Variants in RAB11FIP1 observed in about 807,000 individuals in gnomAD.
The protein encoded by RAB11FIP1 is RAB11 family interacting protein 1, also known as rab11 family-interacting protein 1.
RAB11FIP1 carries 49 observed loss-of-function variants against 83.1 expected under a neutral mutation model. The observed-to-expected ratio is 0.59, with a 90% confidence interval of 0.47 to 0.75. The LOEUF (loss-of-function observed/expected upper bound fraction) is 0.75, where lower values mean the gene tolerates loss of function less well. Ranked by LOEUF, RAB11FIP1 falls within the 30% of genes least tolerant of loss-of-function variation. The pLI, the probability that RAB11FIP1 is intolerant of heterozygous loss-of-function variation, is 0.00. For missense variants in RAB11FIP1, 1,536 were observed against 1,598.7 expected (o/e 0.96, Z 0.67); for synonymous variants, 670 against 656.0 (o/e 1.02, Z -0.33).
intron 1 of RAB11FIP1, among the ~76,000 whole-genome samples, chr8:37,896,687 C>A (rs1400643430): frequency 6.6e-6 from 1 of 152,200 alleles, no homozygotes; most frequent in Non-Finnish European, 1.5e-5. Context: ...TCTCACAAAG[C>A]AGTTGCCAAC....
chr8:37,890,738 G>A (rs1806931827), intron 1 of RAB11FIP1, among the ~76,000 whole-genome samples: 1 of 148,306 alleles, frequency 6.7e-6, no homozygotes, highest in African/African-American at 2.5e-5. Flanking sequence ...TTGAGGCATT[G>A]CACTCCAGCC....
intron 1 of RAB11FIP1, among the ~76,000 whole-genome samples, chr8:37,887,475 G>A (rs1806856543): frequency 6.7e-6 from 1 of 150,260 alleles, no homozygotes; most frequent in Non-Finnish European, 1.5e-5. Flanking sequence ...AGGTTGCAGT[G>A]AGCCAAGATC....
At chr8:37,865,848 C>T (rs4246827) in intron 5 of RAB11FIP1, among the ~76,000 whole-genome samples, 114,531 of 152,088 alleles carry the variant, frequency 0.75, 43,478 homozygotes, top group East Asian at 0.97. Context: ...TCAAAATGCA[C>T]GAACATAAAT....
chr8:37,889,155 T>C lies in RAB11FIP1; in HGVS notation c.371+9916A>G, dbSNP rs182506899. The stretch of plus-strand genomic sequence containing the variant: ...TCCTTATGGACCCCTTCAGGGTTTC[T>C]ACACAGAAAAGAAAGAGACAAGAAA... On this transcript the variant is annotated intron_variant, in intron 1 of 5. Coordinates refer to ENST00000330843, the MANE Select transcript of RAB11FIP1 (RefSeq NM_001002814.3). 3.3e-3 allele frequency among the ~76,000 whole-genome samples: 509 copies of C among 152,280 alleles called. 1 individual carries two copies. Among genetic ancestry groups the C allele is most frequent in the African/African-American group, 0.011 (470 of 41,566 alleles).
intron 4 of RAB11FIP1, 170 bp downstream of exon 4, chr8:37,871,105 CGCA>C: frequency 1.4e-6 from 1 of 720,802 alleles, no homozygotes; most frequent in Non-Finnish European, 2.2e-6. Flanking sequence ...TTGCTATAAA[CGCA>C]GCAGTGTCTT....
In RAB11FIP1 at chr8:37,873,298, C is replaced by A. The variant is rs1374658537; in HGVS notation, c.1623-119G>T. 5 of 1,170,792 alleles carry A rather than the reference C, an allele frequency of 4.3e-6. No individual in the cohort carries two copies. In the African/African-American group the frequency reaches 4.6e-5, roughly 11 times the overall value. 72.5% of individuals were successfully genotyped at this position (1,170,792 alleles called of 1,614,324 possible). A position where few individuals can be genotyped will look rare whatever the true frequency, so the allele number is the denominator to read the frequency against. On this transcript the variant is annotated intron_variant, in intron 3 of 5. Transcript: ENST00000330843. ...AACGTCTTTACACGTGGGGCAGTAC[C>A]TTAAGAAGTTAAAAAAGGAACGCTA...
rs1247557444 is a variant in RAB11FIP1 at position 37,859,469 on chromosome 8, A to G, written c.*3426T>C. On this transcript the variant is annotated 3_prime_UTR_variant, in exon 6 of 6. Transcript: ENST00000330843. ...ATCTCCTTCATACAGGCATATGCAGAGCCCTCACCAATCGGGGTCCACAGC... is the reference window on the plus strand; with the variant it reads ...ATCTCCTTCATACAGGCATATGCAGGGCCCTCACCAATCGGGGTCCACAGC... 6.6e-6 allele frequency: 1 copy of G among 152,256 alleles called. No individual in the cohort carries two copies. Among genetic ancestry groups the G allele is most frequent in the Non-Finnish European group, 1.5e-5 (1 of 68,092 alleles). 9.4% of individuals were successfully genotyped at this position (152,256 alleles called of 1,614,324 possible). A position where few individuals can be genotyped will look rare whatever the true frequency, so the allele number is the denominator to read the frequency against.
At position 37,877,094 on chromosome 8, in the gene RAB11FIP1, G is replaced by T. The variant is rs1225448198; in HGVS notation, c.814+15C>A. On this transcript the variant is annotated intron_variant, in intron 2 of 5. Coordinates refer to ENST00000330843, the MANE Select transcript of RAB11FIP1 (RefSeq NM_001002814.3). Reference sequence around the variant, plus strand: ...AGGAAGAAGAGAGGTCAAGCAGGAAGAGGCAGAAACTCACCATCCGAGGCC... The same window carrying T: ...AGGAAGAAGAGAGGTCAAGCAGGAATAGGCAGAAACTCACCATCCGAGGCC... The T allele has an allele frequency of 6.3e-7, 1 of 1,586,418 alleles. No homozygotes were observed. Among genetic ancestry groups the T allele is most frequent in the Non-Finnish European group, 8.6e-7 (1 of 1,157,824 alleles).
At chr8:37,877,743 A>C in intron 1 of RAB11FIP1, 192 bp from the exon 2 acceptor site, 1 of 479,944 alleles carries the variant, frequency 2.1e-6, no homozygotes, top group African/African-American at 2.5e-5. Flanking sequence ...TTTTTGACAC[A>C]GAGTCTTGCT....
chr8:37,892,514 G>A (rs531462669), intron 1 of RAB11FIP1, among the ~76,000 whole-genome samples: 5 of 151,776 alleles, frequency 3.3e-5, no homozygotes, highest in African/African-American at 1.2e-4. Context: ...GAGTGCAATG[G>A]CGCAGTCTCA....
In RAB11FIP1 at chr8:37,871,605, A is replaced by T; in HGVS notation, c.3197T>A (p.Leu1066Gln). Residue 1066 changes from leucine to glutamine, a missense_variant, in exon 4 of 6, where the codon CTG becomes CAG. Physicochemically the swap from Leu to Gln is moderately radical, Grantham distance 113 (BLOSUM62 -2). Coordinates refer to ENST00000330843, the MANE Select transcript of RAB11FIP1 (RefSeq NM_001002814.3). ...LGKSSSLDKQ[L>Q]PGPSGGEEEK... is the part of the protein sequence containing the mutation. ...TTCCTCACCACCACTGGGGCCTGGC[A>T]GCTGTTTATCCAAGCTTGAGCTCTT... is the stretch of plus-strand genomic sequence containing the variant. 1 of 1,603,688 alleles carries T rather than the reference A, an allele frequency of 6.2e-7. No individual in the cohort carries two copies. Among genetic ancestry groups the T allele is most frequent in the Non-Finnish European group, 8.5e-7 (1 of 1,173,148 alleles).
chr8:37,896,026 T>G (rs1807081586), intron 1 of RAB11FIP1, among the ~76,000 whole-genome samples: 1 of 152,108 alleles, frequency 6.6e-6, no homozygotes, highest in African/African-American at 2.4e-5. Flanking sequence ...AATTTCACCT[T>G]TCGCCTGGCA....
rs144125162 is a variant in RAB11FIP1 at position 37,869,399 on chromosome 8, G to A, written c.3633+1021C>T. Among the ~76,000 whole-genome samples the A allele has an allele frequency of 3.1e-4, 47 of 150,838 alleles. No individual in the cohort carries two copies. The East Asian group carries it at 8.0e-3, about 26-fold the overall frequency. Reference sequence around the variant, plus strand: ...CTGAGGTCAGGAGTTCGAGATGAGCGTGGCCAACATAGCAAAATCCTGTCT... The same window carrying A: ...CTGAGGTCAGGAGTTCGAGATGAGCATGGCCAACATAGCAAAATCCTGTCT... On this transcript the variant is annotated intron_variant, in intron 5 of 5. Coordinates refer to ENST00000330843, the MANE Select transcript of RAB11FIP1 (RefSeq NM_001002814.3).
intron 1 of RAB11FIP1, among the ~76,000 whole-genome samples, chr8:37,886,027 A>T (rs1221810904): frequency 6.6e-6 from 1 of 152,228 alleles, no homozygotes; most frequent in Non-Finnish European, 1.5e-5. Context: ...CTCAAAAATA[A>T]TCTTTCTGCA....
At chr8:37,892,255 G>A (rs922837873) in intron 1 of RAB11FIP1, among the ~76,000 whole-genome samples, 1 of 151,778 alleles carries the variant, frequency 6.6e-6, no homozygotes, top group Non-Finnish European at 1.5e-5. Flanking sequence ...AGGTGGCTTG[G>A]ACATCATTCT....
intron 2 of RAB11FIP1, among the ~76,000 whole-genome samples, chr8:37,876,415 GA>G (rs1806611428): frequency 6.6e-6 from 1 of 151,730 alleles, no homozygotes; most frequent in African/African-American, 2.4e-5. Flanking sequence ...GCAACATAGT[GA>G]GACCTCATCT....
chr8:37,868,781 T>C (rs1806392538), intron 5 of RAB11FIP1, among the ~76,000 whole-genome samples: 1 of 152,166 alleles, frequency 6.6e-6, no homozygotes, highest in Non-Finnish European at 1.5e-5. Flanking sequence ...GGTTTTGTTT[T>C]GTGGGGAGTT....
Position 37,861,275 on chromosome 8 carries a change from C to A in RAB11FIP1, c.*1620G>T. ...CTTCTTGCTCTGCACAGTTTTATAA[C>A]AAGGGGGTAAAATGCTGGTGAGTCT... On this transcript the variant is annotated 3_prime_UTR_variant, in exon 6 of 6. Coordinates refer to ENST00000330843, the MANE Select transcript of RAB11FIP1 (RefSeq NM_001002814.3). 1 of 172,696 alleles carries A rather than the reference C, an allele frequency of 5.8e-6. No homozygotes were observed. Among genetic ancestry groups the A allele is most frequent in the Admixed American group, 5.8e-5 (1 of 17,264 alleles). The allele number at this position is 172,696 out of a possible 1,614,324, so 10.7% of individuals were successfully genotyped here.
At position 37,872,467 on chromosome 8, in the gene RAB11FIP1, C is replaced by A; in HGVS notation, c.2335G>T (p.Ala779Ser). 1.2e-6 allele frequency: 2 copies of A among 1,614,170 alleles called. No homozygotes were observed. Among genetic ancestry groups the A allele is most frequent in the Non-Finnish European group, 1.7e-6 (2 of 1,180,032 alleles). Residue 779 changes from alanine to serine, a missense_variant, in exon 4 of 6, where the codon GCA becomes TCA. By Grantham distance (99) the Ala-to-Ser change is moderately conservative. Transcript: ENST00000330843. ...EEVAPPLPMG[A>S]SVPSIDSMMR... ...ATGGAATCAATGGAAGGGACTGATG[C>A]TCCCATGGGAAGAGGGGGCGCCACT...
Sources: gnomAD v4.1 joint callset for allele counts (sites outside exome capture counted in the v4.1 genomes callset) on GRCh38, gnomAD v4.1.1 for gene constraint, MANE v1.5 for transcripts, NCBI Gene and HGNC (gene_info 2026-07-23, HGNC 2026-07-21) for gene names.